Variants in PEX2 observed in about 807,000 individuals in gnomAD.
PEX2 encodes peroxisome biogenesis factor 2.
PEX2 carries 19 observed loss-of-function variants against 25.2 expected under a neutral mutation model. The ratio of observed to expected loss-of-function variants is 0.75; its 90% CI spans 0.53 to 1.10. The LOEUF (loss-of-function observed/expected upper bound fraction) is 1.10. Ranked by LOEUF, PEX2 falls within the 50% of genes least tolerant of loss-of-function variation. The pLI is 0.00. For missense variants in PEX2, 347 were observed against 350.6 expected, an observed-to-expected ratio of 0.99 and a Z score of 0.08; for synonymous variants, 141 against 127.7, an observed-to-expected ratio of 1.10 and a Z score of -0.70.
In PEX2 at chr8:76,980,309, T is replaced by A. The variant is rs1250332252; in HGVS notation, c.*2952A>T. ...TTTAATCCTTTCAAATCTGCAATGT[T>A]AAAGAATCATCCAGTTACTTATGAA... On this transcript the variant is annotated 3_prime_UTR_variant, in exon 4 of 4. Coordinates refer to ENST00000357039, the MANE Select transcript of PEX2 (RefSeq NM_000318.3). 1 of 152,234 alleles carries A rather than the reference T, an allele frequency of 6.6e-6. No homozygotes were observed. Among genetic ancestry groups the A allele is most frequent in the Non-Finnish European group, 1.5e-5 (1 of 68,048 alleles). The allele number at this position is 152,234 out of a possible 1,614,324, so 9.4% of individuals were successfully genotyped here. A position where few individuals can be genotyped will look rare whatever the true frequency, so the allele number is the denominator to read the frequency against.
intron 1 of PEX2, among the ~76,000 whole-genome samples, chr8:76,991,910 G>C (rs1807180995): frequency 6.6e-6 from 1 of 152,180 alleles, no homozygotes; most frequent in Non-Finnish European, 1.5e-5. Flanking sequence ...CTAGGGATGA[G>C]CATGAAAAGT....
Position 76,981,396 on chromosome 8 carries a change from A to G in PEX2, c.*1865T>C, listed in dbSNP as rs1407672910. ...AGGATCGCTTGAGCCCTGGGAGGGA[A>G]AGGCTGCGGTTAGCCATGATCACAC... On this transcript the variant is annotated 3_prime_UTR_variant, in exon 4 of 4. Transcript: ENST00000357039. 2.0e-5 allele frequency: 3 copies of G among 152,182 alleles called. No individual in the cohort carries two copies. Among genetic ancestry groups the G allele is most frequent in the African/African-American group, 7.2e-5 (3 of 41,444 alleles). The allele number at this position is 152,182 out of a possible 1,614,324, so 9.4% of individuals were successfully genotyped here. A position where few individuals can be genotyped will look rare whatever the true frequency, so the allele number is the denominator to read the frequency against.
At chr8:76,989,546 TAA>T (rs1242289204) in intron 1 of PEX2, among the ~76,000 whole-genome samples, 2 of 152,044 alleles carry the variant, frequency 1.3e-5, no homozygotes, top group Non-Finnish European at 2.9e-5. Flanking sequence ...AAAAAAAATA[TAA>T]AAGTCAAAAT....
At chr8:76,998,199 T>TA (rs142685953) in intron 1 of PEX2, among the ~76,000 whole-genome samples, 5,234 of 152,278 alleles carry the variant, frequency 0.034, 278 homozygotes, top group African/African-American at 0.12. Flanking sequence ...GAAAGAAACT[T>TA]ACAATTATTT....
Position 76,983,662 on chromosome 8 carries a change from T to C in PEX2, c.517A>G (p.Ile173Val), listed in dbSNP as rs773748299. 6 of 1,614,020 alleles carry C rather than the reference T, an allele frequency of 3.7e-6. No homozygotes were observed. In the African/African-American group the frequency reaches 8.0e-5, roughly 22 times the overall value. ...FATLTERLLG[I>V]HSVFCKPQNI... is the part of the protein sequence containing the mutation. ...TGAGGCTTGCAAAATACAGAATGAA[T>C]ACCTAGGAGACGTTCTGTCAAAGTT... The change falls in exon 4 of 4, where the codon ATT becomes GTT. Residue 173 changes from isoleucine to valine, a missense_variant. Ile to Val is a conservative substitution (Grantham distance 29). Transcript: ENST00000357039.
At position 76,986,252 on chromosome 8, in the gene PEX2, G is replaced by C. The variant is rs2132047602; in HGVS notation, c.-83C>G. 2 of 152,202 alleles carry C rather than the reference G, an allele frequency of 1.3e-5. No individual in the cohort carries two copies. Among genetic ancestry groups the C allele is most frequent in the South Asian group, 4.1e-4 (2 of 4,826 alleles). 9.4% of individuals were successfully genotyped at this position (152,202 alleles called of 1,614,324 possible). A position where few individuals can be genotyped will look rare whatever the true frequency, so the allele number is the denominator to read the frequency against. On this transcript the variant is annotated 5_prime_UTR_variant, in exon 3 of 4. Coordinates refer to ENST00000357039, the MANE Select transcript of PEX2 (RefSeq NM_000318.3). ...TATAGCTATGACAGTGGGAATTTTT[G>C]CTCCAAGTTCTTCTGTGAAATCCTT...
rs1806837541 is a variant in PEX2, at chr8:76,981,795, T to A, written c.*1466A>T. On this transcript the variant is annotated 3_prime_UTR_variant, in exon 4 of 4. Transcript: ENST00000357039. ...GAATTGTTGGTGTTTTCTACAATAA[T>A]GTTTTAAAATTACAGAAGGCAAAAG... is the stretch of plus-strand genomic sequence containing the variant. The A allele has an allele frequency of 1.3e-5, 2 of 152,350 alleles. No individual in the cohort carries two copies. The highest frequency in any genetic ancestry group is 3.4e-3 in the Middle Eastern group (1 of 294). 9.4% of individuals were successfully genotyped at this position (152,350 alleles called of 1,614,324 possible).
chr8:76,990,318 G>A (rs1807131283), intron 1 of PEX2, among the ~76,000 whole-genome samples: 1 of 152,116 alleles, frequency 6.6e-6, no homozygotes, highest in South Asian at 2.1e-4. Context: ...CACATCATCA[G>A]CAATAAGGCT....
rs2132039873 is a variant in PEX2, at chr8:76,981,100, AAAG to A, written c.*2158_*2160del. ...TTGCATTATTCACAACAGAAAGTGA[AAAG>A]AACCTAAATGCTCTATGATGGTGGT... On this transcript the variant is annotated 3_prime_UTR_variant, in exon 4 of 4. Coordinates refer to ENST00000357039, the MANE Select transcript of PEX2 (RefSeq NM_000318.3). The A allele has an allele frequency of 6.6e-6, 1 of 152,380 alleles. No individual in the cohort carries two copies. The highest frequency in any genetic ancestry group is 1.9e-4 in the East Asian group (1 of 5,192). 9.4% of individuals were successfully genotyped at this position (152,380 alleles called of 1,614,324 possible). A position where few individuals can be genotyped will look rare whatever the true frequency, so the allele number is the denominator to read the frequency against.
At position 76,995,227 on chromosome 8, in the gene PEX2, G is replaced by A. The variant is rs1483321521; in HGVS notation, c.-160+4763C>T. ...TTTTAATAGTTTATAGACACCTGAT[G>A]TTGTAAATCCCAGTTGTGCTCATTT... On this transcript the variant is annotated intron_variant, in intron 1 of 3. Transcript: ENST00000357039. 2.6e-5 allele frequency among the ~76,000 whole-genome samples: 4 copies of A among 152,150 alleles called. 1 individual carries two copies. In the East Asian group the frequency reaches 7.7e-4, roughly 29 times the overall value.
chr8:76,988,825 T>A (rs1465653195), intron 1 of PEX2, among the ~76,000 whole-genome samples: 3 of 152,126 alleles, frequency 2.0e-5, no homozygotes, highest in Admixed American at 6.5e-5. Context: ...TCCTTTGCTA[T>A]CTTTTCAACA....
At chr8:76,996,582 C>A (rs1807340047) in intron 1 of PEX2, among the ~76,000 whole-genome samples, 1 of 152,116 alleles carries the variant, frequency 6.6e-6, no homozygotes, top group South Asian at 2.1e-4. Context: ...TGTTTAAATA[C>A]TCTATAAATA....
intron 1 of PEX2, among the ~76,000 whole-genome samples, chr8:76,990,570 A>T (rs552345194): frequency 6.6e-6 from 1 of 152,168 alleles, no homozygotes; most frequent in Non-Finnish European, 1.5e-5. Context: ...AGGCCATTGT[A>T]GGCTTATCTT....
rs1375187423 is a variant in PEX2, at chr8:76,981,851, TAACTC to T, written c.*1405_*1409del. ...AAATTCTTAAGATGTAAAATACTCT[TAACTC>T]AAACTACAAAACTTCTTCAGTATCT... On this transcript the variant is annotated 3_prime_UTR_variant, in exon 4 of 4. Transcript: ENST00000357039. The T allele has an allele frequency of 3.9e-5, 6 of 152,204 alleles. No homozygotes were observed. Among genetic ancestry groups the T allele is most frequent in the East Asian group, 1.9e-4 (1 of 5,194 alleles). The allele number at this position is 152,204 out of a possible 1,614,324, so 9.4% of individuals were successfully genotyped here. A position where few individuals can be genotyped will look rare whatever the true frequency, so the allele number is the denominator to read the frequency against.
At chr8:76,988,788 T>C (rs957016611) in intron 1 of PEX2, among the ~76,000 whole-genome samples, 1 of 152,150 alleles carries the variant, frequency 6.6e-6, no homozygotes, top group Admixed American at 6.5e-5. Context: ...CATTGCTTTA[T>C]CAATTAAGTT....
chr8:76,997,250 T>C (rs1807362199), intron 1 of PEX2, among the ~76,000 whole-genome samples: 1 of 152,188 alleles, frequency 6.6e-6, no homozygotes, highest in Admixed American at 6.5e-5. Flanking sequence ...AAACTCAAGG[T>C]GTGAACATTA....
Position 76,983,664 on chromosome 8 carries a change from C to G in PEX2, c.515G>C (p.Gly172Ala), listed in dbSNP as rs1262796023. 1 of 1,613,950 alleles carries G rather than the reference C, an allele frequency of 6.2e-7. No individual in the cohort carries two copies. Among genetic ancestry groups the G allele is most frequent in the Non-Finnish European group, 8.5e-7 (1 of 1,180,002 alleles). Reference protein sequence around the residue: ...KFATLTERLLGIHSVFCKPQN... With the variant: ...KFATLTERLLAIHSVFCKPQN... ...AGGCTTGCAAAATACAGAATGAATACCTAGGAGACGTTCTGTCAAAGTTGC... is the reference window on the plus strand; with the variant it reads ...AGGCTTGCAAAATACAGAATGAATAGCTAGGAGACGTTCTGTCAAAGTTGC... Residue 172 changes from glycine to alanine, a missense_variant, in exon 4 of 4, where the codon GGT (glycine) becomes GCT (alanine). Physicochemically the swap from Gly to Ala is moderately conservative, Grantham distance 60. Coordinates refer to ENST00000357039, the MANE Select transcript of PEX2 (RefSeq NM_000318.3).
chr8:76,992,023 C>T (rs1586075886), intron 1 of PEX2, among the ~76,000 whole-genome samples: 1 of 152,100 alleles, frequency 6.6e-6, no homozygotes, highest in East Asian at 1.9e-4. Flanking sequence ...AATGTTTTTC[C>T]AGGAAATATT....
chr8:76,989,923 A>G (rs1291559206), intron 1 of PEX2, among the ~76,000 whole-genome samples: 1 of 152,196 alleles, frequency 6.6e-6, no homozygotes, highest in African/African-American at 2.4e-5. Context: ...TGTCCTTTGA[A>G]GCTCTGAAGC....
Sources: allele counts gnomAD v4.1 joint callset (sites outside exome capture counted in the v4.1 genomes callset), GRCh38; gene constraint gnomAD v4.1.1; transcripts MANE v1.5; gene names NCBI Gene and HGNC (gene_info 2026-07-23, HGNC 2026-07-21).